EXOC6: variants seen among roughly 807,000 people sequenced by gnomAD.
The protein encoded by EXOC6 is exocyst complex component 6, also known as SEC15-like 1.
EXOC6 carries 60 observed loss-of-function variants against 112.5 expected under a neutral mutation model. The observed-to-expected ratio is 0.53, with a 90% CI of 0.43 to 0.66. The LOEUF is 0.66. EXOC6 is among the 30% of genes least tolerant of loss of function. The pLI is 0.00. For missense variants in EXOC6, 855 were observed against 957.1 expected, an observed-to-expected ratio of 0.89 and a Z score of 1.41; for synonymous variants, 295 against 308.0, an observed-to-expected ratio of 0.96 and a Z score of 0.44.
chr10:92,975,615 TG>T (rs1292589556), intron 18 of EXOC6, among the ~76,000 whole-genome samples: 1 of 96,186 alleles, frequency 1.0e-5, no homozygotes, highest in Non-Finnish European at 2.2e-5. Flanking sequence ...GGAGGGAGGT[TG>T]GGGGGTCAGC....
intron 1 of EXOC6, among the ~76,000 whole-genome samples, chr10:92,893,040 T>C (rs1849584226): frequency 6.6e-6 from 1 of 152,214 alleles, no homozygotes; most frequent in African/African-American, 2.4e-5. Context: ...TCTTTAACCA[T>C]TCATTCACTC....
intron 1 of EXOC6, among the ~76,000 whole-genome samples, chr10:92,881,143 C>G (rs1232026459): frequency 6.6e-6 from 1 of 152,130 alleles, no homozygotes; most frequent in Non-Finnish European, 1.5e-5. Context: ...GTTGCTGTGG[C>G]TGTCATTTGG....
chr10:93,026,051 A>T (rs574360970), intron 20 of EXOC6, among the ~76,000 whole-genome samples: 2 of 152,136 alleles, frequency 1.3e-5, no homozygotes, highest in Admixed American at 6.5e-5. Flanking sequence ...AAATTTATCC[A>T]TGTTGTTACG....
chr10:92,997,361 G>A (rs777916193), intron 18 of EXOC6, 113 bp from the exon 19 acceptor site: 1 of 957,148 alleles, frequency 1.0e-6, no homozygotes, highest in Non-Finnish European at 1.5e-6. Flanking sequence ...AACCACTATT[G>A]TACCAAGCAT....
Position 92,997,620 on chromosome 10 carries a change from G to C in EXOC6, c.2095+5G>C, listed in dbSNP as rs780840250. ...TAGATGTCATACAGTGTGAATGTAA[G>C]TACTATATTGGTTTATTCTTATGTA... On this transcript the variant is annotated splice_donor_5th_base_variant and intron_variant, in intron 19 of 21. Coordinates refer to ENST00000260762, the MANE Select transcript of EXOC6 (RefSeq NM_019053.6). 1 of 1,599,034 alleles carries C rather than the reference G, an allele frequency of 6.3e-7. No individual in the cohort carries two copies. Among genetic ancestry groups the C allele is most frequent in the Non-Finnish European group, 8.5e-7 (1 of 1,172,688 alleles).
At chr10:92,828,714 G>A (rs1262530509) in intron 1 of EXOC6, among the ~76,000 whole-genome samples, 2 of 69,992 alleles carry the variant, frequency 2.9e-5, no homozygotes, top group Admixed American at 1.6e-4. Flanking sequence ...GTGTGTGTGT[G>A]TGTGTGTGTG....
At chr10:92,851,637 G>A (rs898446026) in intron 1 of EXOC6, among the ~76,000 whole-genome samples, 1 of 151,132 alleles carries the variant, frequency 6.6e-6, no homozygotes, top group Non-Finnish European at 1.5e-5. Flanking sequence ...GCGACGGAGC[G>A]AGACTCCATC....
intron 8 of EXOC6, among the ~76,000 whole-genome samples, chr10:92,924,415 C>G (rs1263714971): frequency 6.6e-6 from 1 of 152,148 alleles, no homozygotes; most frequent in African/African-American, 2.4e-5. Flanking sequence ...GTTACACTGG[C>G]TAACTTTATT....
chr10:93,015,642 A>G (rs1016273739), intron 20 of EXOC6, among the ~76,000 whole-genome samples: 1 of 152,184 alleles, frequency 6.6e-6, no homozygotes, highest in Admixed American at 6.5e-5. Context: ...CTGAGGCAGG[A>G]GAATCCCTTG....
intron 5 of EXOC6, among the ~76,000 whole-genome samples, chr10:92,902,798 C>A (rs952954569): frequency 1.3e-5 from 2 of 152,128 alleles, no homozygotes; most frequent in Non-Finnish European, 2.9e-5. Flanking sequence ...TAACCACTTT[C>A]TGATTTTTAA....
chr10:92,836,871 C>A (rs1247357493), intron 1 of EXOC6, among the ~76,000 whole-genome samples: 1 of 152,114 alleles, frequency 6.6e-6, no homozygotes, highest in Non-Finnish European at 1.5e-5. Flanking sequence ...TGCTATTTGA[C>A]AATATGCCTC....
chr10:93,058,373 C>T lies in EXOC6; in HGVS notation c.*18C>T. On this transcript the variant is annotated 3_prime_UTR_variant, in exon 22 of 22. Transcript: ENST00000260762. Reference sequence around the variant, plus strand: ...ACATGTAGACCTCACATGGCTTGCACTCAGTGACACCAAATCCATGATTCA... The same window carrying T: ...ACATGTAGACCTCACATGGCTTGCATTCAGTGACACCAAATCCATGATTCA... 1.9e-6 allele frequency: 3 copies of T among 1,571,482 alleles called. No homozygotes were observed. The highest frequency in any genetic ancestry group is 2.6e-6 in the Non-Finnish European group (3 of 1,163,746).
intron 20 of EXOC6, among the ~76,000 whole-genome samples, chr10:93,054,464 A>G (rs1279095221): frequency 1.3e-5 from 2 of 152,250 alleles, no homozygotes; most frequent in African/African-American, 2.4e-5. Context: ...ATTAATGTCA[A>G]TATGAAAGCA....
In EXOC6 at chr10:92,863,815, T is replaced by C. The variant is rs181376431; in HGVS notation, c.101+15181T>C. Among the ~76,000 whole-genome samples, 492 of 149,840 alleles carry C rather than the reference T, an allele frequency of 3.3e-3. 7 individuals carry two copies. Among genetic ancestry groups the C allele is most frequent in the African/African-American group, 0.011 (464 of 40,562 alleles). On this transcript the variant is annotated intron_variant, in intron 1 of 21. Coordinates refer to ENST00000260762, the MANE Select transcript of EXOC6 (RefSeq NM_019053.6). ...CTGTAATCCCAGCTACTCGAGAGGC[T>C]GAGACAGGAGAATGGCGTGAACCCG...
At chr10:92,925,528 C>G (rs1197341197) in intron 8 of EXOC6, among the ~76,000 whole-genome samples, 2 of 152,072 alleles carry the variant, frequency 1.3e-5, no homozygotes, top group Admixed American at 6.5e-5. Flanking sequence ...CTCCTGGCCT[C>G]AAGTGATCCG....
At chr10:93,000,063 C>T (rs982784530) in intron 19 of EXOC6, among the ~76,000 whole-genome samples, 2 of 152,218 alleles carry the variant, frequency 1.3e-5, no homozygotes, top group East Asian at 1.9e-4. Context: ...TGTGAAAAAA[C>T]ATAATTAATA....
chr10:93,001,449 T>G (rs1210744808), intron 19 of EXOC6, among the ~76,000 whole-genome samples: 3 of 152,196 alleles, frequency 2.0e-5, no homozygotes, highest in African/African-American at 7.2e-5. Flanking sequence ...GAAACCACTT[T>G]CTCTCTAAAT....
intron 7 of EXOC6, among the ~76,000 whole-genome samples, chr10:92,916,720 G>A (rs1478749431): frequency 1.3e-5 from 2 of 152,188 alleles, no homozygotes; most frequent in Non-Finnish European, 2.9e-5. Context: ...ACCCTGGTCT[G>A]TGCATGTCCT....
At chr10:93,030,345 C>T (rs1040490169) in intron 20 of EXOC6, among the ~76,000 whole-genome samples, 3 of 152,098 alleles carry the variant, frequency 2.0e-5, no homozygotes, top group African/African-American at 4.8e-5. Context: ...GGATTATAGG[C>T]GTGAGCCACT....
Sources: allele counts gnomAD v4.1 joint callset (sites outside exome capture counted in the v4.1 genomes callset), GRCh38; gene constraint gnomAD v4.1.1; transcripts MANE v1.5; gene names NCBI Gene and HGNC (gene_info 2026-07-23, HGNC 2026-07-21).